XKR6: variants seen among roughly 807,000 people sequenced by gnomAD.
XKR6 encodes the protein XK-related protein 6.
A neutral mutation model predicts 56.7 loss-of-function variants in XKR6; 22 were observed. That is an observed-to-expected ratio of 0.39 (90% CI 0.28 to 0.55). The LOEUF (loss-of-function observed/expected upper bound fraction) is 0.55, where lower values mean the gene tolerates loss of function less well. XKR6 is among the 20% of genes least tolerant of loss of function. The pLI, the probability that XKR6 is intolerant of heterozygous loss-of-function variation, is 0.66. For missense variants in XKR6, 852 were observed against 889.0 expected (o/e 0.96, Z 0.53); for synonymous variants, 524 against 387.8 (o/e 1.35, Z -4.13).
chr8:10,907,062 AAAG>A lies in XKR6; in HGVS notation c.962-8149_962-8147del, dbSNP rs778155838. ...ACTCCATCTCAGAAAAAAAAAAGAA[AAAG>A]AAGAAGAAGAAGGGTCAAAGAGAAG... On this transcript the variant is annotated intron_variant, in intron 2 of 2. Transcript: ENST00000416569. Among the ~76,000 whole-genome samples the A allele has an allele frequency of 4.4e-4, 67 of 152,270 alleles. 1 individual carries two copies. The highest frequency in any genetic ancestry group is 4.3e-3 in the East Asian group (22 of 5,174).
chr8:10,998,151 C>T (rs1029929822), intron 1 of XKR6, among the ~76,000 whole-genome samples: 3 of 151,918 alleles, frequency 2.0e-5, no homozygotes, highest in Non-Finnish European at 2.9e-5. Context: ...CGCCAGAGAG[C>T]GTCCAGCACT....
chr8:11,044,449 C>A (rs1799358540), intron 1 of XKR6, among the ~76,000 whole-genome samples: 1 of 152,206 alleles, frequency 6.6e-6, no homozygotes, highest in African/African-American at 2.4e-5. Flanking sequence ...CGATCTCCTT[C>A]TTAAGAAATA....
At chr8:11,040,524 T>A (rs7018172) in intron 1 of XKR6, among the ~76,000 whole-genome samples, 1 of 152,006 alleles carries the variant, frequency 6.6e-6, no homozygotes, top group Non-Finnish European at 1.5e-5. Flanking sequence ...CGTGCAATCC[T>A]GTCTCAAAAC....
intron 1 of XKR6, among the ~76,000 whole-genome samples, chr8:10,935,671 C>G (rs570282785): frequency 1.1e-4 from 16 of 151,572 alleles, no homozygotes; most frequent in Non-Finnish European, 8.8e-5. Context: ...AGTAGTCATT[C>G]AGGAGCACGT....
chr8:11,074,502 C>T (rs553073102), intron 1 of XKR6, among the ~76,000 whole-genome samples: 3 of 152,338 alleles, frequency 2.0e-5, no homozygotes, highest in Non-Finnish European at 2.9e-5. Flanking sequence ...ATACCAGACA[C>T]TATGCCGAAT....
At chr8:11,027,973 A>G (rs980240013) in intron 1 of XKR6, among the ~76,000 whole-genome samples, 1 of 152,108 alleles carries the variant, frequency 6.6e-6, no homozygotes, top group Non-Finnish European at 1.5e-5. Context: ...GTCATCACCC[A>G]GAGTCCATAG....
At chr8:11,029,234 C>T (rs1349985049) in intron 1 of XKR6, among the ~76,000 whole-genome samples, 4 of 152,172 alleles carry the variant, frequency 2.6e-5, no homozygotes, top group African/African-American at 9.6e-5. Flanking sequence ...ATGCCACACC[C>T]AACCTGGTCT....
chr8:10,938,778 G>A (rs961992693), intron 1 of XKR6, among the ~76,000 whole-genome samples: 3 of 152,186 alleles, frequency 2.0e-5, no homozygotes, highest in African/African-American at 7.2e-5. Flanking sequence ...TGGTGACTAT[G>A]TGAATCCGCG....
At chr8:11,135,768 C>G (rs1477582577) in intron 1 of XKR6, among the ~76,000 whole-genome samples, 1 of 151,158 alleles carries the variant, frequency 6.6e-6, no homozygotes, top group East Asian at 2.0e-4. Flanking sequence ...AAAAAACCAC[C>G]ATACAGAAAA....
At chr8:11,094,262 C>G (rs1391172874) in intron 1 of XKR6, among the ~76,000 whole-genome samples, 1 of 152,148 alleles carries the variant, frequency 6.6e-6, no homozygotes, top group African/African-American at 2.4e-5. Flanking sequence ...TATCTCGGCT[C>G]ACTGCAACCT....
At chr8:10,904,245 C>T (rs1254417073) in intron 2 of XKR6, among the ~76,000 whole-genome samples, 1 of 152,178 alleles carries the variant, frequency 6.6e-6, no homozygotes, top group African/African-American at 2.4e-5. Flanking sequence ...TAGTGCAGTG[C>T]CACTGGCTGG....
intron 2 of XKR6, among the ~76,000 whole-genome samples, chr8:10,904,451 T>G (rs12543072): frequency 0.014 from 2,099 of 152,254 alleles, 55 homozygotes; most frequent in African/African-American, 0.046. Context: ...TGTTTTGTGT[T>G]TTCAATTCCC....
chr8:11,037,516 C>A (rs1334142839), intron 1 of XKR6, among the ~76,000 whole-genome samples: 2 of 152,262 alleles, frequency 1.3e-5, no homozygotes, highest in Non-Finnish European at 2.9e-5. Flanking sequence ...TGAGCCACTG[C>A]ACCCAGCCTC....
At chr8:10,915,539 C>T (rs1425368203) in intron 2 of XKR6, among the ~76,000 whole-genome samples, 1 of 152,108 alleles carries the variant, frequency 6.6e-6, no homozygotes. Context: ...AAGAACCCTC[C>T]CTCTCGCCAT....
chr8:10,970,026 C>T (rs1330592125), intron 1 of XKR6, among the ~76,000 whole-genome samples: 2 of 152,210 alleles, frequency 1.3e-5, no homozygotes, highest in Non-Finnish European at 2.9e-5. Context: ...TAAGTCGGAG[C>T]CCCAAATGCT....
At chr8:11,136,732 C>T (rs1178377980) in intron 1 of XKR6, among the ~76,000 whole-genome samples, 3 of 152,084 alleles carry the variant, frequency 2.0e-5, no homozygotes, top group Admixed American at 6.6e-5. Context: ...AGGACCAACT[C>T]GGATGGCATC....
intron 1 of XKR6, among the ~76,000 whole-genome samples, chr8:10,926,841 G>T (rs779793428): frequency 4.7e-4 from 71 of 152,260 alleles, no homozygotes; most frequent in Non-Finnish European, 1.9e-4. Context: ...AGGAACCAGG[G>T]AAGAGGCTCA....
chr8:10,940,432 T>C (rs1347509984), intron 1 of XKR6, among the ~76,000 whole-genome samples: 2 of 152,214 alleles, frequency 1.3e-5, no homozygotes, highest in Non-Finnish European at 2.9e-5. Context: ...CCAGGAGGGC[T>C]GCAGCCCCAG....
intron 1 of XKR6, among the ~76,000 whole-genome samples, chr8:11,016,207 C>G (rs1563347473): frequency 6.6e-6 from 1 of 152,194 alleles, no homozygotes; most frequent in South Asian, 2.1e-4. Flanking sequence ...AGCCCCGTCC[C>G]CGGGCGGGAC....
Sources: gnomAD v4.1 joint callset for allele counts (sites outside exome capture counted in the v4.1 genomes callset) on GRCh38, gnomAD v4.1.1 for gene constraint, MANE v1.5 for transcripts, NCBI Gene and HGNC (gene_info 2026-07-23, HGNC 2026-07-21) for gene names.